XPNPEP3: variants seen among roughly 807,000 people sequenced by gnomAD.
XPNPEP3 encodes the protein xaa-Pro aminopeptidase 3.
Under a neutral mutation model 60.0 loss-of-function variants are expected in XPNPEP3, and 41 were observed. The observed-to-expected ratio is 0.68, with a 90% confidence interval of 0.53 to 0.89. The LOEUF (loss-of-function observed/expected upper bound fraction) is 0.89, where lower values mean the gene tolerates loss of function less well. Among genes scored for constraint, XPNPEP3 ranks in the 40% least tolerant of loss-of-function variants. XPNPEP3 has a pLI of 0.00. For missense variants in XPNPEP3, 598 were observed against 638.9 expected, an observed-to-expected ratio of 0.94 and a Z score of 0.69; for synonymous variants, 212 against 223.2, an observed-to-expected ratio of 0.95 and a Z score of 0.45.
intron 8 of XPNPEP3, 55 bp from the exon 9 acceptor site, chr22:40,924,307 C>T: frequency 6.2e-7 from 1 of 1,611,646 alleles, no homozygotes; most frequent in Non-Finnish European, 8.5e-7. Context: ...ACTTGCCCAG[C>T]ATTCCCTGTA....
chr22:40,883,843 A>G (rs2146251915), intron 3 of XPNPEP3, among the ~76,000 whole-genome samples: 2 of 152,246 alleles, frequency 1.3e-5, no homozygotes, highest in South Asian at 4.1e-4. Flanking sequence ...TTATTTTTTG[A>G]AGTATCTTAT....
chr22:40,908,667 A>G (rs1175401902), intron 5 of XPNPEP3, among the ~76,000 whole-genome samples: 1 of 152,226 alleles, frequency 6.6e-6, no homozygotes, highest in Non-Finnish European at 1.5e-5. Flanking sequence ...ATTTGTAGCT[A>G]TTTGAAAGAT....
rs2058257851 is a variant in XPNPEP3, at chr22:40,932,380, G to T, written c.*5945G>T. 1 of 151,504 alleles carries T rather than the reference G, an allele frequency of 6.6e-6. No homozygotes were observed. The highest frequency in any genetic ancestry group is 2.1e-4 in the South Asian group (1 of 4,814). 9.4% of individuals were successfully genotyped at this position (151,504 alleles called of 1,614,324 possible). ...TTTGTTTCCTGAAGTAGAATCCATA[G>T]CTCAAAACAAGTTTTAAGCCTGAGA... On this transcript the variant is annotated 3_prime_UTR_variant, in exon 10 of 10. Coordinates refer to ENST00000357137, the MANE Select transcript of XPNPEP3 (RefSeq NM_022098.4).
intron 3 of XPNPEP3, among the ~76,000 whole-genome samples, chr22:40,884,979 G>A (rs1028703521): frequency 5.3e-5 from 8 of 151,182 alleles, no homozygotes; most frequent in African/African-American, 1.9e-4. Flanking sequence ...AGTGAGCCGA[G>A]ATCGCGCCAC....
intron 4 of XPNPEP3, among the ~76,000 whole-genome samples, chr22:40,905,769 C>T (rs577732418): frequency 6.6e-6 from 1 of 152,176 alleles, no homozygotes; most frequent in South Asian, 2.1e-4. Flanking sequence ...CAATGCCGTT[C>T]AACCTCATAC....
chr22:40,882,096 A>C lies in XPNPEP3; in HGVS notation c.508A>C (p.Thr170Pro). Residue 170 changes from threonine to proline, a missense_variant, in exon 3 of 10, where the codon ACT becomes CCT. Physicochemically the swap from Thr to Pro is conservative, Grantham distance 38. Transcript: ENST00000357137. ...ACTTTGGGATGGTCCGCGATCTGGC[A>C]CTGATGGAGCAATAGCTCTAACTGG... ...RELWDGPRSG[T>P]DGAIALTGVD... 6.2e-7 allele frequency: 1 copy of C among 1,614,168 alleles called. No individual in the cohort carries two copies. Among genetic ancestry groups the C allele is most frequent in the East Asian group, 2.2e-5 (1 of 44,890 alleles).
chr22:40,871,706 C>T (rs1444476022), intron 2 of XPNPEP3, among the ~76,000 whole-genome samples: 1 of 152,110 alleles, frequency 6.6e-6, no homozygotes, highest in Admixed American at 6.5e-5. Flanking sequence ...ACATTCTTTG[C>T]ATATTGCTCT....
chr22:40,908,362 TA>T (rs1022537702), intron 5 of XPNPEP3, among the ~76,000 whole-genome samples: 2 of 151,250 alleles, frequency 1.3e-5, no homozygotes, highest in Non-Finnish European at 2.9e-5. Flanking sequence ...ACTATAAAAA[TA>T]AAAAAAAATT....
intron 1 of XPNPEP3, among the ~76,000 whole-genome samples, chr22:40,865,053 AGTTATACCCTTCTTT>A (rs2057971461): frequency 1.3e-5 from 2 of 152,198 alleles, no homozygotes; most frequent in South Asian, 4.1e-4. Flanking sequence ...TTGTTTCTGC[AGTTATACCCTTCTTT>A]GTTGATCCTT....
chr22:40,909,867 G>A (rs1265393727), intron 6 of XPNPEP3, among the ~76,000 whole-genome samples: 1 of 151,822 alleles, frequency 6.6e-6, no homozygotes, highest in Non-Finnish European at 1.5e-5. Flanking sequence ...CTACTCTAAA[G>A]CCTCTGCTCA....
At chr22:40,869,919 C>T (rs2057997163) in intron 2 of XPNPEP3, 5 of 361,600 alleles carry the variant, frequency 1.4e-5, no homozygotes, top group African/African-American at 2.2e-5. Context: ...TATGTATTTG[C>T]CATATAAGCA....
chr22:40,887,967 T>G (rs2058075570), intron 4 of XPNPEP3, among the ~76,000 whole-genome samples: 1 of 152,204 alleles, frequency 6.6e-6, no homozygotes, highest in African/African-American at 2.4e-5. Flanking sequence ...ACATAAAATA[T>G]ATCATTTTAA....
At chr22:40,909,978 G>C (rs938749387) in intron 6 of XPNPEP3, among the ~76,000 whole-genome samples, 1 of 151,962 alleles carries the variant, frequency 6.6e-6, no homozygotes, top group South Asian at 2.1e-4. Flanking sequence ...TTAGCTGTGA[G>C]GGAACATATC....
intron 4 of XPNPEP3, among the ~76,000 whole-genome samples, chr22:40,889,579 G>A (rs1410949081): frequency 6.6e-6 from 1 of 152,172 alleles, no homozygotes; most frequent in Non-Finnish European, 1.5e-5. Context: ...TATAATCTCA[G>A]CACTGAGGCC....
At chr22:40,897,096 A>G (rs2058111493) in intron 4 of XPNPEP3, among the ~76,000 whole-genome samples, 1 of 146,924 alleles carries the variant, frequency 6.8e-6, no homozygotes, top group Non-Finnish European at 1.5e-5. Flanking sequence ...CAGTGGCGCA[A>G]TCTCGGCTCA....
chr22:40,876,295 A>AT (rs1480168206), intron 2 of XPNPEP3, among the ~76,000 whole-genome samples: 1 of 152,176 alleles, frequency 6.6e-6, no homozygotes, highest in African/African-American at 2.4e-5. Flanking sequence ...GTCCATGTAA[A>AT]TTTTACTCTT....
intron 1 of XPNPEP3, among the ~76,000 whole-genome samples, chr22:40,864,592 T>C (rs2057968355): frequency 6.6e-6 from 1 of 152,038 alleles, no homozygotes; most frequent in African/African-American, 2.4e-5. Context: ...ATTACAGGCA[T>C]GCACCACCAC....
At chr22:40,882,824 A>T (rs1411759610) in intron 3 of XPNPEP3, among the ~76,000 whole-genome samples, 1 of 152,120 alleles carries the variant, frequency 6.6e-6, no homozygotes, top group Non-Finnish European at 1.5e-5. Context: ...ACCACAATGA[A>T]TTTTAGAACA....
intron 2 of XPNPEP3, among the ~76,000 whole-genome samples, chr22:40,880,878 T>C (rs1210598350): frequency 6.6e-6 from 1 of 151,660 alleles, no homozygotes; most frequent in African/African-American, 2.4e-5. Context: ...GGCAAATCCA[T>C]AGAGACAGAT....
Sources: allele counts gnomAD v4.1 joint callset (sites outside exome capture counted in the v4.1 genomes callset), GRCh38; gene constraint gnomAD v4.1.1; transcripts MANE v1.5; gene names NCBI Gene and HGNC (gene_info 2026-07-23, HGNC 2026-07-21).